DOK6: variants seen among roughly 807,000 people sequenced by gnomAD.
The protein encoded by DOK6 is docking protein 6, also known as downstream of tyrosine kinase 6.
DOK6 carries 22 observed loss-of-function variants against 44.0 expected under a neutral mutation model. The observed-to-expected ratio is 0.50, with a 90% CI of 0.36 to 0.71. DOK6 has a LOEUF of 0.71. DOK6 is among the 30% of genes least tolerant of loss of function. The probability of loss-of-function intolerance (pLI) is 0.00; values close to 1 mark genes in which losing one functional copy is unlikely to be tolerated. For synonymous variants in DOK6, 166 were observed against 145.5 expected (o/e 1.14, Z -1.01); for missense variants, 340 against 416.4 (o/e 0.82, Z 1.60).
intron 1 of DOK6, among the ~76,000 whole-genome samples, chr18:69,540,802 T>C (rs1982248521): frequency 6.6e-6 from 1 of 152,216 alleles, no homozygotes; most frequent in Non-Finnish European, 1.5e-5. Flanking sequence ...CTTTTAAATA[T>C]ATAGGCATTT....
At chr18:69,604,305 T>G (rs557231406) in intron 3 of DOK6, among the ~76,000 whole-genome samples, 2 of 152,310 alleles carry the variant, frequency 1.3e-5, no homozygotes, top group South Asian at 2.1e-4. Context: ...ATGTCTGAAT[T>G]TCACACGCAC....
intron 5 of DOK6, among the ~76,000 whole-genome samples, chr18:69,698,904 C>T (rs957767958): frequency 6.6e-6 from 1 of 152,072 alleles, no homozygotes; most frequent in Non-Finnish European, 1.5e-5. Flanking sequence ...ACTATATTTT[C>T]GGTGTGCCTG....
chr18:69,583,360 T>C (rs1983412588), intron 2 of DOK6, among the ~76,000 whole-genome samples: 1 of 152,236 alleles, frequency 6.6e-6, no homozygotes, highest in African/African-American at 2.4e-5. Context: ...ATTAATTGCC[T>C]GATATCATCT....
At chr18:69,601,200 G>A (rs1983862900) in intron 3 of DOK6, among the ~76,000 whole-genome samples, 1 of 152,088 alleles carries the variant, frequency 6.6e-6, no homozygotes, top group Non-Finnish European at 1.5e-5. Context: ...CATTTATCCT[G>A]GTATCGCCTG....
chr18:69,811,009 C>T (rs1981206605), intron 7 of DOK6, among the ~76,000 whole-genome samples: 1 of 151,968 alleles, frequency 6.6e-6, no homozygotes, highest in South Asian at 2.1e-4. Flanking sequence ...GTCATGCTTA[C>T]CATAGCATTA....
intron 7 of DOK6, among the ~76,000 whole-genome samples, chr18:69,779,453 T>TACACACAC (rs36016822): frequency 0.018 from 2,622 of 148,992 alleles, 70 homozygotes; most frequent in African/African-American, 0.058. Context: ...ACACACAGTC[T>TACACACAC]ACACACACAC....
chr18:69,494,395 G>T (rs1477741815), intron 1 of DOK6, among the ~76,000 whole-genome samples: 1 of 152,136 alleles, frequency 6.6e-6, no homozygotes, highest in East Asian at 1.9e-4. Context: ...AGAATTGCTT[G>T]AACCCAGGAG....
At chr18:69,719,751 G>T (rs891847691) in intron 5 of DOK6, among the ~76,000 whole-genome samples, 5 of 152,224 alleles carry the variant, frequency 3.3e-5, no homozygotes, top group Non-Finnish European at 7.4e-5. Context: ...TCTCAGGCAT[G>T]AGCAAGGACA....
chr18:69,556,824 A>G (rs1982698898), intron 1 of DOK6, among the ~76,000 whole-genome samples: 1 of 152,248 alleles, frequency 6.6e-6, no homozygotes, highest in Non-Finnish European at 1.5e-5. Context: ...AAAGATAGCT[A>G]AAGCTAAACT....
intron 1 of DOK6, among the ~76,000 whole-genome samples, chr18:69,559,294 GA>G (rs145643133): frequency 0.02 from 3,036 of 152,090 alleles, 120 homozygotes; most frequent in African/African-American, 0.07. Context: ...ATATTTCCAC[GA>G]ATATTGTAAG....
At chr18:69,570,383 C>A (rs1028531461) in intron 2 of DOK6, among the ~76,000 whole-genome samples, 2 of 151,240 alleles carry the variant, frequency 1.3e-5, no homozygotes, top group Admixed American at 6.6e-5. Context: ...AGAACAACAG[C>A]AACAACAAAA....
Position 69,757,758 on chromosome 18 carries a change from T to G in DOK6, c.741T>G (p.Leu247=). 2 of 1,613,880 alleles carry G rather than the reference T, an allele frequency of 1.2e-6. No homozygotes were observed. Among genetic ancestry groups the G allele is most frequent in the Non-Finnish European group, 1.7e-6 (2 of 1,179,776 alleles). Residue 247 remains leucine (L), a splice_region_variant and synonymous_variant, in exon 7 of 8, where the codon CTT becomes CTG. Transcript: ENST00000382713. ...LMLEMEQKAR[L]QTSLTEPMTL... Reference sequence around the variant, plus strand: ...AAACACATTCTTTTCTCTTTTAGCTTCAGACAAGCTTGACTGAACCAATGA... The same window carrying G: ...AAACACATTCTTTTCTCTTTTAGCTGCAGACAAGCTTGACTGAACCAATGA...
chr18:69,821,143 T>A (rs1981556872), intron 7 of DOK6, among the ~76,000 whole-genome samples: 1 of 152,108 alleles, frequency 6.6e-6, no homozygotes, highest in Non-Finnish European at 1.5e-5. Flanking sequence ...CTATGAAAAT[T>A]GTATATATAT....
chr18:69,786,185 T>C (rs1386365897), intron 7 of DOK6, among the ~76,000 whole-genome samples: 3 of 152,154 alleles, frequency 2.0e-5, no homozygotes, highest in African/African-American at 7.2e-5. Flanking sequence ...CATCTAAAAA[T>C]TCATTGACTT....
chr18:69,742,638 T>G (rs1468879044), intron 6 of DOK6, among the ~76,000 whole-genome samples: 1 of 152,178 alleles, frequency 6.6e-6, no homozygotes, highest in Non-Finnish European at 1.5e-5. Flanking sequence ...GATTATAAAG[T>G]GCTTGCACTA....
intron 1 of DOK6, among the ~76,000 whole-genome samples, chr18:69,427,156 C>T (rs570233681): frequency 1.3e-5 from 2 of 152,176 alleles, no homozygotes; most frequent in East Asian, 1.9e-4. Context: ...CCATCCACGT[C>T]GCTGCAAAAG....
At chr18:69,655,526 G>T (rs1203926279) in intron 3 of DOK6, among the ~76,000 whole-genome samples, 1 of 152,012 alleles carries the variant, frequency 6.6e-6, no homozygotes, top group Middle Eastern at 3.2e-3. Context: ...GTCGAGGTGG[G>T]TGGATTGCCT....
intron 3 of DOK6, among the ~76,000 whole-genome samples, chr18:69,640,586 G>A (rs958831967): frequency 3.3e-5 from 5 of 152,170 alleles, no homozygotes; most frequent in African/African-American, 1.2e-4. Flanking sequence ...AGAAGCAACA[G>A]CATCTAACCC....
intron 6 of DOK6, among the ~76,000 whole-genome samples, chr18:69,747,581 T>C (rs1358259662): frequency 2.6e-5 from 4 of 151,396 alleles, no homozygotes; most frequent in Admixed American, 2.6e-4. Flanking sequence ...GGGAGGAAGC[T>C]CTTTCCGCTC....
Sources: allele counts gnomAD v4.1 joint callset (sites outside exome capture counted in the v4.1 genomes callset), GRCh38; gene constraint gnomAD v4.1.1; transcripts MANE v1.5; gene names NCBI Gene and HGNC (gene_info 2026-07-23, HGNC 2026-07-21).